ADCY2: variants seen among roughly 807,000 people sequenced by gnomAD.
The protein encoded by ADCY2 is adenylate cyclase type 2.
In ADCY2, 31 loss-of-function variants were observed where a neutral mutation model predicts 125.2. That is an observed-to-expected ratio of 0.25 (90% CI 0.19 to 0.33). ADCY2 has a LOEUF of 0.33. ADCY2 is among the 10% of genes least tolerant of loss of function. ADCY2 has a pLI of 1.00. For missense variants in ADCY2, 904 were observed against 1,418.2 expected (o/e 0.64, Z 5.82); for synonymous variants, 512 against 548.4 (o/e 0.93, Z 0.93).
intron 22 of ADCY2, among the ~76,000 whole-genome samples, chr5:7,806,579 T>G (rs73047095): frequency 6.6e-6 from 1 of 152,166 alleles, no homozygotes; most frequent in South Asian, 2.1e-4. Flanking sequence ...GCCTTCTCAC[T>G]TCTCTTAGGC....
At chr5:7,422,859 G>C (rs2126354799) in intron 2 of ADCY2, among the ~76,000 whole-genome samples, 1 of 152,294 alleles carries the variant, frequency 6.6e-6, no homozygotes, top group Admixed American at 6.5e-5. Context: ...CTTAGCCTTT[G>C]AACTGGTGCA....
chr5:7,790,471 G>T (rs759288866), intron 20 of ADCY2, among the ~76,000 whole-genome samples: 7 of 152,204 alleles, frequency 4.6e-5, no homozygotes, highest in Non-Finnish European at 1.0e-4. Flanking sequence ...AAGAGATGTT[G>T]TGAGATGTCT....
chr5:7,640,143 G>T (rs904281733), intron 4 of ADCY2, among the ~76,000 whole-genome samples: 3 of 152,176 alleles, frequency 2.0e-5, no homozygotes, highest in African/African-American at 7.2e-5. Flanking sequence ...AACAGTGTTA[G>T]ATTTTGACAT....
intron 20 of ADCY2, among the ~76,000 whole-genome samples, chr5:7,792,769 T>G (rs1744294487): frequency 6.6e-6 from 1 of 152,256 alleles, no homozygotes; most frequent in African/African-American, 2.4e-5. Flanking sequence ...CAACATTGTC[T>G]GTTCCTGTGA....
chr5:7,436,079 G>T (rs1477379634), intron 2 of ADCY2, among the ~76,000 whole-genome samples: 4 of 152,110 alleles, frequency 2.6e-5, no homozygotes, highest in Admixed American at 2.6e-4. Flanking sequence ...TTAATTATTG[G>T]TGTCATTCAC....
intron 4 of ADCY2, among the ~76,000 whole-genome samples, chr5:7,656,884 A>C (rs1355451389): frequency 6.6e-6 from 1 of 152,246 alleles, no homozygotes; most frequent in Non-Finnish European, 1.5e-5. Flanking sequence ...TTGAGTATCC[A>C]GAATCTGAAA....
chr5:7,637,749 ATAAAAT>A (rs1738560753), intron 4 of ADCY2, among the ~76,000 whole-genome samples: 1 of 152,218 alleles, frequency 6.6e-6, no homozygotes, highest in South Asian at 2.1e-4. Flanking sequence ...AAGTAAAAAT[ATAAAAT>A]TAAATGTTAA....
chr5:7,814,329 T>C (rs1745036368), intron 22 of ADCY2, among the ~76,000 whole-genome samples: 2 of 152,080 alleles, frequency 1.3e-5, no homozygotes, highest in Non-Finnish European at 2.9e-5. Context: ...CTGGGAGCAA[T>C]TTTACTCCTC....
intron 3 of ADCY2, among the ~76,000 whole-genome samples, chr5:7,621,235 C>T (rs1430913746): frequency 2.6e-5 from 4 of 152,194 alleles, no homozygotes; most frequent in Non-Finnish European, 5.9e-5. Context: ...ACCCTCCCCT[C>T]ACTCTCCTCT....
chr5:7,779,436 C>A (rs7705211), intron 18 of ADCY2, among the ~76,000 whole-genome samples: 147,655 of 152,310 alleles, frequency 0.97, 71,730 homozygotes, highest in East Asian at 1. Context: ...AGCCATGCCC[C>A]GCCCAACCAC....
intron 12 of ADCY2, among the ~76,000 whole-genome samples, chr5:7,719,857 C>G (rs1741704707): frequency 6.6e-6 from 1 of 152,162 alleles, no homozygotes; most frequent in South Asian, 2.1e-4. Flanking sequence ...CAGTTCATAA[C>G]AATAAGAAAG....
At chr5:7,407,917 G>T (rs186033247) in intron 1 of ADCY2, among the ~76,000 whole-genome samples, 1 of 144,278 alleles carries the variant, frequency 6.9e-6, no homozygotes, top group East Asian at 2.0e-4. Flanking sequence ...CGATCCAGCT[G>T]GAGTACAGTG....
intron 4 of ADCY2, among the ~76,000 whole-genome samples, chr5:7,638,677 C>T (rs1738587490): frequency 6.6e-6 from 1 of 152,174 alleles, no homozygotes; most frequent in Admixed American, 6.5e-5. Flanking sequence ...TCAGCAGCCA[C>T]CAGAGAGTTG....
Position 7,595,305 on chromosome 5 carries a change from G to C in ADCY2, c.571-30862G>C, listed in dbSNP as rs575431670. ...TCCTTATTGGCCATTGCTAATTTTG[G>C]AGCATTTATTTTAATACTTATATAC... On this transcript the variant is annotated intron_variant, in intron 3 of 24. Coordinates refer to ENST00000338316, the MANE Select transcript of ADCY2 (RefSeq NM_020546.3). Among the ~76,000 whole-genome samples the C allele has an allele frequency of 6.4e-4, 97 of 152,196 alleles. 1 individual carries two copies. Among genetic ancestry groups the C allele is most frequent in the African/African-American group, 1.6e-3 (66 of 41,528 alleles).
intron 2 of ADCY2, among the ~76,000 whole-genome samples, chr5:7,514,584 C>T (rs566720736): frequency 3.3e-5 from 5 of 152,230 alleles, no homozygotes; most frequent in East Asian, 3.9e-4. Flanking sequence ...AGTCCTAATC[C>T]GCAGTACTTG....
intron 3 of ADCY2, among the ~76,000 whole-genome samples, chr5:7,622,776 G>A (rs1180079517): frequency 3.3e-5 from 5 of 152,202 alleles, no homozygotes; most frequent in South Asian, 2.1e-4. Flanking sequence ...GACAAGAAAC[G>A]TTGGCCTGGT....
intron 2 of ADCY2, among the ~76,000 whole-genome samples, chr5:7,460,545 T>C (rs1275330665): frequency 2.0e-5 from 3 of 152,246 alleles, no homozygotes; most frequent in Admixed American, 6.5e-5. Flanking sequence ...TGGAAGTTTA[T>C]ACTTAATGTC....
chr5:7,404,546 T>G (rs1488598742), intron 1 of ADCY2, among the ~76,000 whole-genome samples: 1 of 152,208 alleles, frequency 6.6e-6, no homozygotes, highest in African/African-American at 2.4e-5. Context: ...CACACTTCTT[T>G]CCTAATTGTT....
At chr5:7,599,146 G>A (rs1453991564) in intron 3 of ADCY2, among the ~76,000 whole-genome samples, 1 of 152,062 alleles carries the variant, frequency 6.6e-6, no homozygotes, top group East Asian at 1.9e-4. Context: ...CAGCCCAGGA[G>A]CAGCTGGATT....
Sources: allele counts gnomAD v4.1 joint callset (sites outside exome capture counted in the v4.1 genomes callset), GRCh38; gene constraint gnomAD v4.1.1; transcripts MANE v1.5; gene names NCBI Gene and HGNC (gene_info 2026-07-23, HGNC 2026-07-21).